GMPR: variants seen among roughly 807,000 people sequenced by gnomAD.
The protein encoded by GMPR is GMP reductase 1.
Under a neutral mutation model 38.4 loss-of-function variants are expected in GMPR, and 31 were observed. The ratio of observed to expected loss-of-function variants is 0.81; its 90% CI spans 0.61 to 1.09. The LOEUF is 1.09. GMPR is among the 50% of genes least tolerant of loss of function. The pLI is 0.00. For missense variants in GMPR, 468 were observed against 453.7 expected, an observed-to-expected ratio of 1.03 and a Z score of -0.29; for synonymous variants, 162 against 173.3, an observed-to-expected ratio of 0.93 and a Z score of 0.51.
At chr6:16,259,111 G>A (rs947211723) in intron 4 of GMPR, 1 of 152,202 alleles carries the variant, frequency 6.6e-6, no homozygotes, top group African/African-American at 2.4e-5. Flanking sequence ...CGAAAAGAGA[G>A]TCAGCGAAGG....
intron 7 of GMPR, among the ~76,000 whole-genome samples, chr6:16,286,305 C>T (rs1759676725): frequency 6.6e-6 from 1 of 151,914 alleles, no homozygotes; most frequent in Admixed American, 6.6e-5. Flanking sequence ...GGATGGGGAG[C>T]GGTGGTGGGA....
intron 8 of GMPR, among the ~76,000 whole-genome samples, chr6:16,293,377 C>T (rs921459721): frequency 2.0e-5 from 3 of 152,194 alleles, no homozygotes; most frequent in African/African-American, 4.8e-5. Context: ...TCTGGGGTCA[C>T]GGAGTGCTGA....
intron 5 of GMPR, among the ~76,000 whole-genome samples, chr6:16,277,130 G>A (rs888019282): frequency 2.6e-5 from 4 of 152,192 alleles, no homozygotes; most frequent in Non-Finnish European, 4.4e-5. Flanking sequence ...GTTGCAGGGC[G>A]GGGGGAAGGC....
chr6:16,264,918 C>T (rs1561826014), intron 4 of GMPR, among the ~76,000 whole-genome samples: 1 of 151,888 alleles, frequency 6.6e-6, no homozygotes, highest in East Asian at 1.9e-4. Flanking sequence ...TGGGCCTTGC[C>T]ACATAGGGGT....
intron 4 of GMPR, chr6:16,263,254 TACG>T (rs1425271019): frequency 6.6e-6 from 1 of 151,934 alleles, no homozygotes. Flanking sequence ...TTGCCCATTG[TACG>T]ACAAGAATTA....
chr6:16,262,021 G>A (rs372479037), intron 4 of GMPR, among the ~76,000 whole-genome samples: 2 of 151,848 alleles, frequency 1.3e-5, no homozygotes, highest in Admixed American at 6.7e-5. Context: ...AAAGAGTAAC[G>A]TCTAAGTGGG....
chr6:16,242,675 G>A (rs958752699), intron 1 of GMPR, among the ~76,000 whole-genome samples: 12 of 151,972 alleles, frequency 7.9e-5, no homozygotes, highest in African/African-American at 2.9e-4. Flanking sequence ...TTTCGCTCTT[G>A]TTGCCCAGGC....
chr6:16,286,360 C>T (rs1194816233), intron 7 of GMPR, among the ~76,000 whole-genome samples: 6 of 151,926 alleles, frequency 3.9e-5, no homozygotes, highest in Non-Finnish European at 8.8e-5. Context: ...CTAGACGCTC[C>T]AGCCTCTCAA....
chr6:16,270,689 C>T (rs1759367226), intron 4 of GMPR, among the ~76,000 whole-genome samples: 1 of 152,198 alleles, frequency 6.6e-6, no homozygotes, highest in African/African-American at 2.4e-5. Flanking sequence ...AATGGAAACT[C>T]CCCCGTCCTC....
chr6:16,246,857 A>C lies in GMPR; in HGVS notation c.103A>C (p.Thr35Pro). The C allele has an allele frequency of 6.2e-7, 1 of 1,613,126 alleles. No homozygotes were observed. Among genetic ancestry groups the C allele is most frequent in the Admixed American group, 1.7e-5 (1 of 59,954 alleles). ...KSRAEVDLER[T>P]FTFRNSKQTY... The stretch of plus-strand genomic sequence containing the variant: ...TGGCCAACAGGTGGATCTTGAACGC[A>C]CCTTCACGTTTCGAAATTCAAAGCA... The change falls in exon 2 of 9, where the codon ACC becomes CCC. Residue 35 changes from threonine (T) to proline (P), a missense_variant. Coordinates refer to ENST00000259727, the MANE Select transcript of GMPR (RefSeq NM_006877.4).
rs1758741858 is a variant in GMPR, at chr6:16,245,875, GT to G, written c.88-965del. Among the ~76,000 whole-genome samples the G allele has an allele frequency of 2.0e-5, 3 of 152,208 alleles. No homozygotes were observed. The South Asian group carries it at 6.2e-4, about 31-fold the overall frequency. On this transcript the variant is annotated intron_variant, in intron 1 of 8. Coordinates refer to ENST00000259727, the MANE Select transcript of GMPR (RefSeq NM_006877.4). ...ATCCAGGCCCGGAGGCAACCCAGCT[GT>G]TCTGGAGAAGCTGTCTAAGGCAGAG...
chr6:16,276,635 G>C (rs1759477324), intron 5 of GMPR, among the ~76,000 whole-genome samples: 1 of 152,128 alleles, frequency 6.6e-6, no homozygotes, highest in Non-Finnish European at 1.5e-5. Flanking sequence ...TGTGACTAAA[G>C]AGAATAAGGG....
At chr6:16,245,780 G>C (rs940338406) in intron 1 of GMPR, among the ~76,000 whole-genome samples, 1 of 152,222 alleles carries the variant, frequency 6.6e-6, no homozygotes, top group East Asian at 1.9e-4. Context: ...GTGCTCTGGA[G>C]CCCAGGAAGG....
chr6:16,292,091 A>G (rs1000552939), intron 8 of GMPR, among the ~76,000 whole-genome samples: 6 of 152,136 alleles, frequency 3.9e-5, no homozygotes, highest in Non-Finnish European at 5.9e-5. Context: ...TTTTTCCAGG[A>G]AAGTTCAGGC....
intron 7 of GMPR, among the ~76,000 whole-genome samples, chr6:16,288,744 C>T (rs1759753833): frequency 1.3e-5 from 2 of 152,226 alleles, no homozygotes; most frequent in Non-Finnish European, 2.9e-5. Flanking sequence ...CGTGGAGAAC[C>T]TTTATGTCTA....
At chr6:16,241,003 G>A (rs1349454230) in intron 1 of GMPR, among the ~76,000 whole-genome samples, 1 of 152,000 alleles carries the variant, frequency 6.6e-6, no homozygotes, top group East Asian at 1.9e-4. Flanking sequence ...GATCTAGTTA[G>A]GCCTCCCTAA....
Position 16,278,742 on chromosome 6 carries a change from T to C in GMPR, c.548-42T>C, listed in dbSNP as rs1239388123. On this transcript the variant is annotated intron_variant, in intron 5 of 8. Coordinates refer to ENST00000259727, the MANE Select transcript of GMPR (RefSeq NM_006877.4). ...CGCATTTCATGTCACAGTCTTCTCA[T>C]GTATAACCATCTATTTGGGGACAAC... The C allele has an allele frequency of 8.3e-6, 11 of 1,323,980 alleles. No individual in the cohort carries two copies. The African/African-American group carries it at 1.6e-4, about 19-fold the overall frequency. 82.0% of individuals were successfully genotyped at this position (1,323,980 alleles called of 1,614,324 possible). A position where few individuals can be genotyped will look rare whatever the true frequency, so the allele number is the denominator to read the frequency against.
rs578083300 is a variant in GMPR at position 16,257,640 on chromosome 6, A to G, written c.465+2905A>G. ...AAATACCATAAACTGACTGGTGTATAAACAACAGAAAATTGCTCACAGTTC... is the reference window on the plus strand; with the variant it reads ...AAATACCATAAACTGACTGGTGTATGAACAACAGAAAATTGCTCACAGTTC... On this transcript the variant is annotated intron_variant, in intron 4 of 8. Coordinates refer to ENST00000259727, the MANE Select transcript of GMPR (RefSeq NM_006877.4). Among the ~76,000 whole-genome samples the G allele has an allele frequency of 2.0e-5, 3 of 152,336 alleles. No individual in the cohort carries two copies. In the East Asian group the frequency reaches 5.8e-4, roughly 29 times the overall value.
In GMPR at chr6:16,285,817, G is replaced by A. The variant is rs748484195; in HGVS notation, c.679G>A (p.Asp227Asn). ...ISDGGCTCPGDVAKAFGAGAD... is the reference protein window; with the variant it reads ...ISDGGCTCPGNVAKAFGAGAD... ...GGATGGAGGCTGTACGTGTCCAGGG[G>A]ATGTCGCCAAAGCCTTTGGTAAGGC... The change falls in exon 7 of 9, where the codon GAT becomes AAT. Residue 227 changes from aspartate (D) to asparagine (N), a missense_variant. Coordinates refer to ENST00000259727, the MANE Select transcript of GMPR (RefSeq NM_006877.4). 12 of 1,612,996 alleles carry A rather than the reference G, an allele frequency of 7.4e-6. No individual in the cohort carries two copies. The highest frequency in any genetic ancestry group is 4.4e-5 in the South Asian group (4 of 90,820).
Sources: allele counts gnomAD v4.1 joint callset (sites outside exome capture counted in the v4.1 genomes callset), GRCh38; gene constraint gnomAD v4.1.1; transcripts MANE v1.5; gene names NCBI Gene and HGNC (gene_info 2026-07-23, HGNC 2026-07-21).